The following SPTBN1 variants were observed in gnomAD, a reference collection of about 807,000 sequenced individuals.
SPTBN1 encodes the protein spectrin beta, non-erythrocytic 1.
In SPTBN1, 32 loss-of-function variants were observed where a neutral mutation model predicts 266.4. That is an observed-to-expected ratio of 0.12 (90% CI 0.09 to 0.16). The LOEUF is 0.16. Among genes scored for constraint, SPTBN1 ranks in the 10% least tolerant of loss-of-function variants. The pLI, the probability that SPTBN1 is intolerant of heterozygous loss-of-function variation, is 1.00. For synonymous variants in SPTBN1, 1,336 were observed against 1,162.2 expected, an observed-to-expected ratio of 1.15 and a Z score of -3.04; for missense variants, 2,296 against 3,067.1, an observed-to-expected ratio of 0.75 and a Z score of 5.94.
At chr2:54,581,916 A>C (rs1674940008) in intron 2 of SPTBN1, among the ~76,000 whole-genome samples, 1 of 152,008 alleles carries the variant, frequency 6.6e-6, no homozygotes, top group African/African-American at 2.4e-5. Context: ...CCTACTGAAG[A>C]ACTTTGCGAG....
intron 27 of SPTBN1, among the ~76,000 whole-genome samples, chr2:54,654,749 A>G (rs566013629): frequency 4.6e-5 from 7 of 152,332 alleles, no homozygotes; most frequent in South Asian, 4.1e-4. Context: ...TCTGACTTGC[A>G]TTTCAAAGTA....
intron 26 of SPTBN1, among the ~76,000 whole-genome samples, chr2:54,650,942 AGTT>A (rs891764494): frequency 2.0e-5 from 3 of 152,310 alleles, no homozygotes; most frequent in Admixed American, 6.5e-5. Flanking sequence ...CCACCTTGAT[AGTT>A]GTTCTCTCTC....
At chr2:54,501,047 T>G (rs1669238146) in intron 1 of SPTBN1, among the ~76,000 whole-genome samples, 1 of 152,178 alleles carries the variant, frequency 6.6e-6, no homozygotes, top group East Asian at 1.9e-4. Context: ...AATGGCTGAT[T>G]TCTGGAAGGG....
intron 1 of SPTBN1, among the ~76,000 whole-genome samples, chr2:54,523,325 TGA>T (rs1350385556): frequency 6.6e-6 from 1 of 152,258 alleles, no homozygotes; most frequent in Non-Finnish European, 1.5e-5. Flanking sequence ...GTCTCTCTGA[TGA>T]GAATCCAGGA....
intron 17 of SPTBN1, among the ~76,000 whole-genome samples, chr2:54,633,427 G>A (rs546891929): frequency 1.4e-5 from 2 of 139,468 alleles, no homozygotes; most frequent in African/African-American, 5.0e-5. Context: ...GTGTGTGTGC[G>A]TGTGTGTGTC....
intron 2 of SPTBN1, chr2:54,526,848 A>T (rs1174316601): frequency 3.0e-5 from 9 of 295,300 alleles, no homozygotes; most frequent in Non-Finnish European, 5.6e-5. Context: ...TTTTTGACAA[A>T]TCTTACATTC....
chr2:54,613,813 C>T (rs1458125591), intron 4 of SPTBN1, among the ~76,000 whole-genome samples: 1 of 152,212 alleles, frequency 6.6e-6, no homozygotes, highest in African/African-American at 2.4e-5. Flanking sequence ...CTTATGGCAA[C>T]AGAGGTGAAA....
intron 17 of SPTBN1, among the ~76,000 whole-genome samples, chr2:54,633,426 C>CGTGT (rs748315152): frequency 4.8e-4 from 62 of 129,946 alleles, no homozygotes; most frequent in Non-Finnish European, 7.1e-4. Context: ...TGTGTGTGTG[C>CGTGT]GTGTGTGTGT....
chr2:54,459,129 C>A (rs988453845), intron 1 of SPTBN1, among the ~76,000 whole-genome samples: 1 of 152,174 alleles, frequency 6.6e-6, no homozygotes, highest in Non-Finnish European at 1.5e-5. Flanking sequence ...TTTAGCTGTT[C>A]TGACTTACAC....
chr2:54,472,252 C>T (rs749479735), intron 1 of SPTBN1, among the ~76,000 whole-genome samples: 2 of 152,090 alleles, frequency 1.3e-5, no homozygotes, highest in African/African-American at 4.8e-5. Flanking sequence ...TGGTCTCGAT[C>T]TCTTGACCTC....
intron 18 of SPTBN1, among the ~76,000 whole-genome samples, chr2:54,639,122 A>G (rs1356611622): frequency 1.3e-5 from 2 of 152,250 alleles, no homozygotes; most frequent in Admixed American, 1.3e-4. Flanking sequence ...TCTAAGTGAC[A>G]CGCAAGCATT....
intron 33 of SPTBN1, among the ~76,000 whole-genome samples, chr2:54,665,390 G>A (rs73937514): frequency 2.0e-5 from 3 of 152,108 alleles, no homozygotes; most frequent in African/African-American, 7.2e-5. Context: ...AGTATATTAG[G>A]ACAGTTTGCC....
intron 2 of SPTBN1, chr2:54,529,431 T>C: frequency 1.4e-6 from 1 of 706,688 alleles, no homozygotes; most frequent in Admixed American, 1.8e-5. Flanking sequence ...AAGGTAGTGT[T>C]GAAAGGTGTC....
chr2:54,654,998 G>A, intron 27 of SPTBN1, 72 bp from the exon 28 acceptor site: 3 of 1,510,128 alleles, frequency 2.0e-6, no homozygotes, highest in East Asian at 2.3e-5. Flanking sequence ...CAAATTAATT[G>A]TGTGTTTTAA....
At chr2:54,497,066 C>A (rs1669007456) in intron 1 of SPTBN1, among the ~76,000 whole-genome samples, 2 of 152,172 alleles carry the variant, frequency 1.3e-5, no homozygotes, top group South Asian at 4.1e-4. Flanking sequence ...GATAAACAGA[C>A]AGCATGGAAC....
chr2:54,553,786 T>G lies in SPTBN1; in HGVS notation c.148+27220T>G, dbSNP rs143215550. On this transcript the variant is annotated intron_variant, in intron 2 of 35. Coordinates refer to ENST00000356805, the MANE Select transcript of SPTBN1 (RefSeq NM_003128.3). ...CATCCTCTCCCAGACACACTGAGTC[T>G]TGATAGTGTCTGGATGTTCAGGAAA... 2.3e-3 allele frequency among the ~76,000 whole-genome samples: 349 copies of G among 152,360 alleles called. 2 individuals carry two copies. The highest frequency in any genetic ancestry group is 7.8e-3 in the African/African-American group (324 of 41,582).
At chr2:54,465,672 C>G (rs1040685371) in intron 1 of SPTBN1, among the ~76,000 whole-genome samples, 2 of 90,284 alleles carry the variant, frequency 2.2e-5, no homozygotes, top group Non-Finnish European at 4.4e-5. Context: ...ATATATATCT[C>G]ACACATGGGA....
intron 1 of SPTBN1, among the ~76,000 whole-genome samples, chr2:54,514,537 G>T (rs755501185): frequency 6.6e-6 from 1 of 152,194 alleles, no homozygotes; most frequent in Non-Finnish European, 1.5e-5. Context: ...GCATTTTAGC[G>T]TTTGAATGTT....
chr2:54,631,137 C>T lies in SPTBN1; in HGVS notation c.3090C>T (p.Ala1030=). The T allele has an allele frequency of 6.2e-7, 1 of 1,614,214 alleles. No individual in the cohort carries two copies. The highest frequency in any genetic ancestry group is 8.5e-7 in the Non-Finnish European group (1 of 1,180,038). ...EKLESEHPDQ[A]QAILSRLAEI... The stretch of plus-strand genomic sequence containing the variant: ...TGGAGTCCGAGCACCCCGACCAGGC[C>T]CAGGCCATCCTGTCTCGGCTGGCCG... Residue 1030 remains alanine (A), a synonymous_variant, in exon 16 of 36, where the codon GCC becomes GCT. Coordinates refer to ENST00000356805, the MANE Select transcript of SPTBN1 (RefSeq NM_003128.3).
Sources: gnomAD v4.1 joint callset for allele counts (sites outside exome capture counted in the v4.1 genomes callset) on GRCh38, gnomAD v4.1.1 for gene constraint, MANE v1.5 for transcripts, NCBI Gene and HGNC (gene_info 2026-07-23, HGNC 2026-07-21) for gene names.